VDAC1: variants seen among roughly 807,000 people sequenced by gnomAD.
VDAC1 encodes voltage dependent anion channel 1, also known as non-selective voltage-gated ion channel VDAC1.
In VDAC1, 10 loss-of-function variants were observed where a neutral mutation model predicts 34.7. The ratio of observed to expected loss-of-function variants is 0.29; its 90% CI spans 0.18 to 0.49. The LOEUF (loss-of-function observed/expected upper bound fraction) is 0.49, where lower values mean the gene tolerates loss of function less well. Among genes scored for constraint, VDAC1 ranks in the 20% least tolerant of loss-of-function variants. The pLI is 0.99. For synonymous variants in VDAC1, 130 were observed against 136.0 expected (o/e 0.96, Z 0.30); for missense variants, 230 against 347.9 (o/e 0.66, Z 2.69).
chr5:134,003,888 C>G (rs3911921), intron 1 of VDAC1, among the ~76,000 whole-genome samples: 13,122 of 152,292 alleles, frequency 0.086, 796 homozygotes, highest in South Asian at 0.21. Context: ...AGTCAGGCTC[C>G]GAAACAGTTT....
chr5:133,981,866 C>T (rs1580712684), intron 5 of VDAC1, among the ~76,000 whole-genome samples: 1 of 152,242 alleles, frequency 6.6e-6, no homozygotes, highest in East Asian at 1.9e-4. Flanking sequence ...GCAGAGACCA[C>T]AGGAGGAACC....
the VDAC1 span, among the ~76,000 whole-genome samples, chr5:134,112,935 C>G: frequency 2.0e-5 from 3 of 152,202 alleles, no homozygotes; most frequent in African/African-American, 7.2e-5. Flanking sequence ...TCCTGCTGAA[C>G]CAGGGTTCCC....
intron 1 of VDAC1, among the ~76,000 whole-genome samples, chr5:134,003,105 A>G (rs1753623961): frequency 6.6e-6 from 1 of 152,188 alleles, no homozygotes; most frequent in African/African-American, 2.4e-5. Context: ...GTCAGTAAAG[A>G]TGGGTGGATT....
the VDAC1 span, among the ~76,000 whole-genome samples, chr5:134,037,545 T>G: frequency 6.6e-6 from 1 of 152,230 alleles, no homozygotes. Flanking sequence ...TCTTCCTTCC[T>G]CAACCAACTG....
At chr5:134,106,548 C>T in the VDAC1 span, among the ~76,000 whole-genome samples, 5 of 152,046 alleles carry the variant, frequency 3.3e-5, no homozygotes, top group Non-Finnish European at 7.4e-5. Flanking sequence ...TCTGGGATTA[C>T]AGGTGCGCGC....
chr5:134,103,110 G>A, the VDAC1 span, among the ~76,000 whole-genome samples: 4 of 151,962 alleles, frequency 2.6e-5, no homozygotes, highest in Non-Finnish European at 5.9e-5. Flanking sequence ...CTGTCCAGAC[G>A]GTGTCATTCT....
At chr5:134,024,148 GA>G in the VDAC1 span, among the ~76,000 whole-genome samples, 100 of 140,730 alleles carry the variant, frequency 7.1e-4, no homozygotes, top group South Asian at 6.8e-4. Flanking sequence ...ATCTCCAGAG[GA>G]AAAAAAAAAA....
rs10463907 is a variant in VDAC1, at chr5:134,003,952, C to T, written c.-7+943G>A. Among the ~76,000 whole-genome samples the T allele has an allele frequency of 9.9e-3, 1,511 of 152,330 alleles. 13 individuals are homozygous for T. Among genetic ancestry groups the T allele is most frequent in the Middle Eastern group, 0.021 (6 of 292 alleles). On this transcript the variant is annotated intron_variant, in intron 1 of 8. Coordinates refer to ENST00000265333, the MANE Select transcript of VDAC1 (RefSeq NM_003374.3). ...GAATGAACGACCGAACCAGTAATCA[C>T]TCCTAAGACCAAGAAGGCCACATCC...
chr5:134,070,397 C>T, the VDAC1 span, among the ~76,000 whole-genome samples: 3 of 152,148 alleles, frequency 2.0e-5, no homozygotes, highest in Admixed American at 1.3e-4. Context: ...CTGCCCATCT[C>T]GGCCTCCCAA....
rs1455854294 is a variant in VDAC1, at chr5:133,990,917, A to G, written c.271-10T>C. The G allele has an allele frequency of 6.3e-7, 1 of 1,590,322 alleles. No individual in the cohort carries two copies. Among genetic ancestry groups the G allele is most frequent in the African/African-American group, 1.3e-5 (1 of 74,554 alleles). On this transcript the variant is annotated splice_polypyrimidine_tract_variant and intron_variant, in intron 4 of 8. Coordinates refer to ENST00000265333, the MANE Select transcript of VDAC1 (RefSeq NM_003374.3). The stretch of plus-strand genomic sequence containing the variant: ...TCAGTCCACGTGCAAGCTGAACAGA[A>G]AAGAAATTTGCCACTAGATTTAGTC...
the VDAC1 span, among the ~76,000 whole-genome samples, chr5:134,020,994 C>CA: frequency 3.1e-5 from 2 of 64,864 alleles, no homozygotes; most frequent in Admixed American, 1.9e-4. Context: ...CTTGTCTCTA[C>CA]AAAAAATACA....
At chr5:134,078,952 AT>A in the VDAC1 span, among the ~76,000 whole-genome samples, 1 of 141,870 alleles carries the variant, frequency 7.0e-6, no homozygotes. Flanking sequence ...TGCCCGGTCT[AT>A]TTTTTTTGAC....
the VDAC1 span, among the ~76,000 whole-genome samples, chr5:134,011,514 A>G: frequency 6.6e-6 from 1 of 151,860 alleles, no homozygotes; most frequent in East Asian, 1.9e-4. Flanking sequence ...TGCTTCTATG[A>G]GTGTGATTAT....
the VDAC1 span, among the ~76,000 whole-genome samples, chr5:134,019,866 G>C: frequency 6.6e-6 from 1 of 152,176 alleles, no homozygotes; most frequent in Non-Finnish European, 1.5e-5. Flanking sequence ...AATCTGGAGA[G>C]GACTTGCTTC....
At chr5:133,990,961 T>C in intron 4 of VDAC1, 41 bp downstream of exon 4, 4 of 1,607,314 alleles carry the variant, frequency 2.5e-6, no homozygotes. Context: ...GGCTGGCAGA[T>C]GCGAATTAAT....
chr5:134,001,051 G>T (rs945152637), intron 1 of VDAC1, among the ~76,000 whole-genome samples: 34 of 152,170 alleles, frequency 2.2e-4, no homozygotes, highest in African/African-American at 7.7e-4. Flanking sequence ...CAGTTGGCCC[G>T]CACACAGCCA....
intron 1 of VDAC1, among the ~76,000 whole-genome samples, chr5:133,994,668 G>A (rs1279458591): frequency 1.3e-5 from 2 of 152,070 alleles, no homozygotes; most frequent in African/African-American, 4.8e-5. Context: ...ACCTTCCTAG[G>A]AGAACAACTC....
chr5:133,976,259 A>C (rs1232059959), intron 6 of VDAC1: 1 of 434,704 alleles, frequency 2.3e-6, no homozygotes, highest in African/African-American at 2.0e-5. Flanking sequence ...TAATCCCAGC[A>C]CTTTGGGAGG....
At chr5:134,093,170 G>T in the VDAC1 span, among the ~76,000 whole-genome samples, 1 of 152,230 alleles carries the variant, frequency 6.6e-6, no homozygotes, top group African/African-American at 2.4e-5. Context: ...GATAGAACTG[G>T]ATATGGGTCC....
Sources: gnomAD v4.1 joint callset for allele counts (sites outside exome capture counted in the v4.1 genomes callset) on GRCh38, gnomAD v4.1.1 for gene constraint, MANE v1.5 for transcripts, NCBI Gene and HGNC (gene_info 2026-07-23, HGNC 2026-07-21) for gene names.